Variants in CDH13 observed in about 807,000 individuals in gnomAD.
The protein encoded by CDH13 is cadherin-13.
In CDH13, 24 loss-of-function variants were observed where a neutral mutation model predicts 63.8. The ratio of observed to expected loss-of-function variants is 0.38; its 90% CI spans 0.27 to 0.53. CDH13 has a LOEUF of 0.53. Among genes scored for constraint, CDH13 ranks in the 20% least tolerant of loss-of-function variants. The probability of loss-of-function intolerance (pLI) is 0.85; values close to 1 mark genes in which losing one functional copy is unlikely to be tolerated. For missense variants in CDH13, 1,049 were observed against 903.1 expected, an observed-to-expected ratio of 1.16 and a Z score of -2.07; for synonymous variants, 503 against 355.3, an observed-to-expected ratio of 1.42 and a Z score of -4.67.
intron 6 of CDH13, among the ~76,000 whole-genome samples, chr16:83,424,720 A>C (rs1200399046): frequency 6.6e-6 from 1 of 152,228 alleles, no homozygotes; most frequent in Admixed American, 6.5e-5. Flanking sequence ...ACATTATTGT[A>C]TAATTTCTGG....
intron 10 of CDH13, among the ~76,000 whole-genome samples, chr16:83,703,949 A>G (rs1245975046): frequency 2.0e-5 from 3 of 152,228 alleles, no homozygotes; most frequent in African/African-American, 7.2e-5. Context: ...CCTCATCCAG[A>G]TAACCCTGCA....
intron 7 of CDH13, among the ~76,000 whole-genome samples, chr16:83,553,753 C>T (rs964454912): frequency 2.0e-5 from 3 of 152,182 alleles, no homozygotes; most frequent in Non-Finnish European, 2.9e-5. Context: ...GATGGGGTTT[C>T]ATAATGTTGG....
At chr16:83,703,609 C>A (rs1906573693) in intron 10 of CDH13, among the ~76,000 whole-genome samples, 1 of 152,150 alleles carries the variant, frequency 6.6e-6, no homozygotes. Context: ...GGCTTTCAGG[C>A]TCCTGGAATT....
intron 7 of CDH13, among the ~76,000 whole-genome samples, chr16:83,521,564 A>T (rs1290501961): frequency 6.6e-6 from 1 of 152,220 alleles, no homozygotes; most frequent in Non-Finnish European, 1.5e-5. Context: ...ATATTGTTAA[A>T]TCCCTTGTGA....
At chr16:83,444,007 C>T (rs1469958626) in intron 6 of CDH13, among the ~76,000 whole-genome samples, 3 of 148,850 alleles carry the variant, frequency 2.0e-5, no homozygotes, top group Middle Eastern at 3.3e-3. Flanking sequence ...ATGGCAAAGA[C>T]GGTGGTGAAG....
intron 5 of CDH13, among the ~76,000 whole-genome samples, chr16:83,303,941 A>AC (rs1408046335): frequency 1.3e-5 from 2 of 152,294 alleles, no homozygotes; most frequent in Admixed American, 1.3e-4. Context: ...AGGTTTTCCC[A>AC]GGGGATCTCA....
chr16:83,010,149 A>AAAAAAAAAAAC (rs1913986210), intron 2 of CDH13, among the ~76,000 whole-genome samples: 1 of 148,548 alleles, frequency 6.7e-6, no homozygotes, highest in African/African-American at 2.5e-5. Flanking sequence ...AAAAAAAAAA[A>AAAAAAAAAAAC]AAAAAAAAAA....
At chr16:83,137,239 C>T (rs573498554) in intron 4 of CDH13, among the ~76,000 whole-genome samples, 6 of 152,332 alleles carry the variant, frequency 3.9e-5, no homozygotes, top group African/African-American at 1.4e-4. Context: ...ACTTGTCCAA[C>T]TTCATGCAGC....
chr16:83,107,893 C>T (rs1474989643), intron 3 of CDH13, among the ~76,000 whole-genome samples: 11 of 150,860 alleles, frequency 7.3e-5, no homozygotes, highest in African/African-American at 2.2e-4. Context: ...GATCTCGGCT[C>T]ACTGCAACAT....
chr16:83,009,169 C>T (rs1913860260), intron 2 of CDH13, among the ~76,000 whole-genome samples: 1 of 152,200 alleles, frequency 6.6e-6, no homozygotes, highest in African/African-American at 2.4e-5. Context: ...TCCATGTCTA[C>T]TTCATTCAAG....
intron 6 of CDH13, among the ~76,000 whole-genome samples, chr16:83,443,291 G>C (rs952843901): frequency 6.6e-6 from 1 of 152,134 alleles, no homozygotes; most frequent in South Asian, 2.1e-4. Context: ...GAAAGAGGCT[G>C]GGAGGCCCTT....
At chr16:83,710,647 C>G (rs1390926711) in intron 10 of CDH13, 3 of 152,102 alleles carry the variant, frequency 2.0e-5, no homozygotes, top group African/African-American at 7.2e-5. Context: ...CACTTAGCAG[C>G]CATAAGACCT....
chr16:82,849,288 G>T (rs998539521), intron 1 of CDH13, among the ~76,000 whole-genome samples: 1 of 152,074 alleles, frequency 6.6e-6, no homozygotes, highest in Non-Finnish European at 1.5e-5. Context: ...TGGATCACGA[G>T]GTCAGGAGAG....
chr16:82,737,799 C>G (rs775842018), intron 1 of CDH13, among the ~76,000 whole-genome samples: 12 of 152,160 alleles, frequency 7.9e-5, no homozygotes, highest in Non-Finnish European at 1.8e-4. Flanking sequence ...AACAGCTTTA[C>G]TGAGGTATAA....
chr16:83,152,567 T>C (rs1390239393), intron 4 of CDH13, among the ~76,000 whole-genome samples: 1 of 152,212 alleles, frequency 6.6e-6, no homozygotes, highest in East Asian at 1.9e-4. Context: ...ATAATGGCCA[T>C]GTTTTATTTT....
At chr16:83,566,310 G>C (rs916676184) in intron 7 of CDH13, among the ~76,000 whole-genome samples, 3 of 152,162 alleles carry the variant, frequency 2.0e-5, no homozygotes, top group African/African-American at 7.2e-5. Flanking sequence ...GCACCTCAAT[G>C]CATAAAGAAT....
At chr16:82,704,076 A>G (rs1241531349) in intron 1 of CDH13, among the ~76,000 whole-genome samples, 2 of 152,162 alleles carry the variant, frequency 1.3e-5, no homozygotes, top group East Asian at 3.9e-4. Flanking sequence ...CAGCTGAAAA[A>G]GCCTTTGAAA....
intron 7 of CDH13, among the ~76,000 whole-genome samples, chr16:83,513,928 G>T (rs1297077531): frequency 6.6e-6 from 1 of 152,178 alleles, no homozygotes; most frequent in Non-Finnish European, 1.5e-5. Flanking sequence ...AGGAAAAAAA[G>T]TAAGGGGTTA....
intron 1 of CDH13, among the ~76,000 whole-genome samples, chr16:82,747,614 A>G (rs917098642): frequency 1.3e-5 from 2 of 152,202 alleles, no homozygotes; most frequent in African/African-American, 4.8e-5. Context: ...GAGACCTTCA[A>G]GTAATTCTGA....
Sources: gnomAD v4.1 joint callset for allele counts (sites outside exome capture counted in the v4.1 genomes callset) on GRCh38, gnomAD v4.1.1 for gene constraint, MANE v1.5 for transcripts, NCBI Gene and HGNC (gene_info 2026-07-23, HGNC 2026-07-21) for gene names.